NOS1: variants seen among roughly 807,000 people sequenced by gnomAD.
NOS1 encodes NOS type I.
In NOS1, 51 loss-of-function variants were observed where a neutral mutation model predicts 164.5. The ratio of observed to expected loss-of-function variants is 0.31; its 90% CI spans 0.25 to 0.39. The LOEUF (loss-of-function observed/expected upper bound fraction) is 0.39, where lower values mean the gene tolerates loss of function less well. Among genes scored for constraint, NOS1 ranks in the 10% least tolerant of loss-of-function variants. The probability of loss-of-function intolerance (pLI) is 1.00; values close to 1 mark genes in which losing one functional copy is unlikely to be tolerated. For missense variants in NOS1, 1,362 were observed against 1,885.6 expected, an observed-to-expected ratio of 0.72 and a Z score of 5.14; for synonymous variants, 719 against 745.8, an observed-to-expected ratio of 0.96 and a Z score of 0.59.
intron 20 of NOS1, among the ~76,000 whole-genome samples, chr12:117,239,468 T>C (rs1459185925): frequency 6.6e-6 from 1 of 152,244 alleles, no homozygotes; most frequent in African/African-American, 2.4e-5. Flanking sequence ...GTACGTGCAT[T>C]AGAAAATTTA....
At chr12:117,219,272 C>T (rs1335024479) in intron 27 of NOS1, among the ~76,000 whole-genome samples, 15 of 151,396 alleles carry the variant, frequency 9.9e-5, no homozygotes, top group African/African-American at 3.7e-4. Context: ...TGAGCCACTG[C>T]ACCCAGCCAT....
chr12:117,361,301 C>T lies in NOS1; in HGVS notation c.-421+211G>A, dbSNP rs931425327. On this transcript the variant is annotated intron_variant, in intron 1 of 28. Transcript: ENST00000317775. ...GGCGCCGGTTGCACCCACTCGCCTC[C>T]TGGTAGGAGCCGCGCGCGTCCCTCC... Among the ~76,000 whole-genome samples the T allele has an allele frequency of 4.0e-5, 6 of 151,794 alleles. 1 individual carries two copies. In the South Asian group the frequency reaches 1.0e-3, roughly 26 times the overall value.
chr12:117,229,020 A>G lies in NOS1; in HGVS notation c.3406-1379T>C, dbSNP rs551918545. Among the ~76,000 whole-genome samples the G allele has an allele frequency of 3.0e-3, 461 of 152,252 alleles. 5 individuals are homozygous for G. Among genetic ancestry groups the G allele is most frequent in the African/African-American group, 0.011 (446 of 41,540 alleles). ...ATGGTCTCAATCTCCTGACTTCGTG[A>G]TCCACCCACCTCGGCCTCCCAAAGT... On this transcript the variant is annotated intron_variant, in intron 22 of 28. Coordinates refer to ENST00000317775, the MANE Select transcript of NOS1 (RefSeq NM_000620.5).
intron 1 of NOS1, among the ~76,000 whole-genome samples, chr12:117,360,782 G>A (rs931552773): frequency 2.6e-4 from 40 of 152,192 alleles, no homozygotes; most frequent in Non-Finnish European, 4.1e-4. Context: ...GTTGAGCTTG[G>A]GCAGGTACAA....
intron 13 of NOS1, 23 bp from the exon 14 acceptor site, chr12:117,260,632 G>GA (rs777982250): frequency 6.2e-7 from 1 of 1,600,092 alleles, no homozygotes; most frequent in Non-Finnish European, 8.5e-7. Context: ...GGATGGAGAT[G>GA]AAAAATGGGC....
At chr12:117,279,413 T>C (rs751273229) in intron 8 of NOS1, among the ~76,000 whole-genome samples, 79 of 151,686 alleles carry the variant, frequency 5.2e-4, no homozygotes, top group Non-Finnish European at 5.9e-4. Context: ...GATCAATGAG[T>C]TATTTCCCTC....
At chr12:117,275,625 C>G (rs1193526480) in intron 9 of NOS1, among the ~76,000 whole-genome samples, 1 of 152,022 alleles carries the variant, frequency 6.6e-6, no homozygotes, top group African/African-American at 2.4e-5. Flanking sequence ...TATACATTTT[C>G]AAATAGCTAG....
chr12:117,344,262 T>A (rs139583207), intron 1 of NOS1, among the ~76,000 whole-genome samples: 69 of 152,352 alleles, frequency 4.5e-4, no homozygotes, highest in African/African-American at 1.6e-3. Flanking sequence ...TCTTAGAATA[T>A]GTTAGCACCT....
intron 1 of NOS1, among the ~76,000 whole-genome samples, chr12:117,333,692 G>A (rs746113788): frequency 5.3e-5 from 8 of 152,212 alleles, no homozygotes; most frequent in Non-Finnish European, 1.2e-4. Context: ...GTGTGTTTCT[G>A]TGTATTCATG....
At chr12:117,326,983 C>A (rs1875284547) in intron 2 of NOS1, among the ~76,000 whole-genome samples, 1 of 152,168 alleles carries the variant, frequency 6.6e-6, no homozygotes, top group Admixed American at 6.5e-5. Context: ...AGAGGGTGCA[C>A]TGGGATCCTC....
In NOS1 at chr12:117,331,259, T is replaced by A; in HGVS notation, c.-190A>T. 3.1e-6 allele frequency: 2 copies of A among 639,072 alleles called. No homozygotes were observed. Among genetic ancestry groups the A allele is most frequent in the Non-Finnish European group, 5.3e-6 (2 of 379,584 alleles). The allele number at this position is 639,072 out of a possible 1,614,324, so 39.6% of individuals were successfully genotyped here. A position where few individuals can be genotyped will look rare whatever the true frequency, so the allele number is the denominator to read the frequency against. ...TCACCCACTCATGGCTGGTGGCCCG[T>A]CGGTGGCATGATTTCCTGCATCCGC... On this transcript the variant is annotated 5_prime_UTR_variant, in exon 2 of 29. Coordinates refer to ENST00000317775, the MANE Select transcript of NOS1 (RefSeq NM_000620.5).
Position 117,330,760 on chromosome 12 carries a change from T to G in NOS1, c.310A>C (p.Thr104Pro). ...VLILRGPEGF[T>P]THLETTFTGD... ...GTAAAGGTGGTCTCCAGGTGCGTGG[T>G]GAAACCTTCAGGGCCCCTCAGAATG... is the stretch of plus-strand genomic sequence containing the variant. Residue 104 changes from threonine (T) to proline (P), a missense_variant, in exon 2 of 29, where the codon ACC becomes CCC. Transcript: ENST00000317775. This position sits in a 1 kb window ranked among gnomAD's most constrained non-coding sequence, Gnocchi z 4.6. The G allele has an allele frequency of 6.2e-7, 1 of 1,613,996 alleles. No individual in the cohort carries two copies. The highest frequency in any genetic ancestry group is 8.5e-7 in the Non-Finnish European group (1 of 1,179,976).
intron 11 of NOS1, among the ~76,000 whole-genome samples, chr12:117,267,570 A>C (rs1872514621): frequency 6.9e-6 from 1 of 145,376 alleles, no homozygotes. Context: ...CTGGGCGACA[A>C]GAGTGAAACT....
chr12:117,244,782 G>C lies in NOS1; in HGVS notation c.2824-1347C>G, dbSNP rs192965494. Among the ~76,000 whole-genome samples the C allele has an allele frequency of 2.0e-5, 3 of 152,296 alleles. No individual in the cohort carries two copies. In the East Asian group the frequency reaches 5.8e-4, roughly 29 times the overall value. ...ATGAACCTTGAAAACATTATACTAA[G>C]TGAAAGAAGTCAGTCACAAAAGACC... On this transcript the variant is annotated intron_variant, in intron 18 of 28. Coordinates refer to ENST00000317775, the MANE Select transcript of NOS1 (RefSeq NM_000620.5).
At chr12:117,285,531 GAAA>G (rs57100884) in intron 6 of NOS1, among the ~76,000 whole-genome samples, 199 bp from the exon 7 acceptor site, 167 of 142,250 alleles carry the variant, frequency 1.2e-3, no homozygotes, top group East Asian at 6.8e-3. Flanking sequence ...AATTTGACCA[GAAA>G]AAAAAAAAAA....
intron 3 of NOS1, among the ~76,000 whole-genome samples, chr12:117,299,367 G>A (rs540794683): frequency 1.5e-4 from 23 of 152,194 alleles, no homozygotes; most frequent in African/African-American, 4.8e-4. Context: ...GGCCGGGCGC[G>A]GTGGCTCACG....
At position 117,234,847 on chromosome 12, in the gene NOS1, A is replaced by G. The variant is rs1869566823; in HGVS notation, c.3042-89T>C. 2 of 1,110,120 alleles carry G rather than the reference A, an allele frequency of 1.8e-6. No individual in the cohort carries two copies. The highest frequency in any genetic ancestry group is 1.6e-5 in the South Asian group (1 of 61,792). The allele number at this position is 1,110,120 out of a possible 1,614,324, so 68.8% of individuals were successfully genotyped here. On this transcript the variant is annotated intron_variant, in intron 20 of 28. Coordinates refer to ENST00000317775, the MANE Select transcript of NOS1 (RefSeq NM_000620.5). This position sits in a 1 kb window ranked among gnomAD's most constrained non-coding sequence, Gnocchi z 4.3. ...CTTCTGTCTGTCCTTGTTGGCTGCA[A>G]TTCTCCTCCTTCCATTCTTGTTGGG...
At chr12:117,268,872 C>T (rs933399936) in intron 10 of NOS1, among the ~76,000 whole-genome samples, 14 of 152,168 alleles carry the variant, frequency 9.2e-5, no homozygotes, top group African/African-American at 3.1e-4. Context: ...GCTGGGATTA[C>T]AGGCGTGAGC....
intron 7 of NOS1, 83 bp from the exon 8 acceptor site, chr12:117,280,949 G>T: frequency 6.7e-7 from 1 of 1,497,792 alleles, no homozygotes; most frequent in Non-Finnish European, 9.1e-7. Flanking sequence ...CACCCAGGGC[G>T]ACAGCTGCTT....
Sources: allele counts gnomAD v4.1 joint callset (sites outside exome capture counted in the v4.1 genomes callset), GRCh38; gene constraint gnomAD v4.1.1; non-coding constraint Gnocchi (gnomAD v3.1); transcripts MANE v1.5; gene names NCBI Gene and HGNC (gene_info 2026-07-23, HGNC 2026-07-21).